Variants in RPE observed in about 807,000 individuals in gnomAD.
The protein encoded by RPE is ribulose-5-phosphate-3-epimerase.
A neutral mutation model predicts 24.6 loss-of-function variants in RPE; 16 were observed. That is an observed-to-expected ratio of 0.65 (90% CI 0.44 to 0.99). RPE has a LOEUF of 0.99. Ranked by LOEUF, RPE falls within the 50% of genes least tolerant of loss-of-function variation. RPE has a pLI of 0.00. For missense variants in RPE, 240 were observed against 294.5 expected (o/e 0.81, Z 1.35); for synonymous variants, 93 against 98.4 (o/e 0.94, Z 0.33).
At chr2:210,002,854 G>T in intron 1 of RPE, 71 bp downstream of exon 1, 1 of 1,612,222 alleles carries the variant, frequency 6.2e-7, no homozygotes. Flanking sequence ...TTGACTGCTT[G>T]TTGGATGTAC....
intron 5 of RPE, chr2:210,018,222 G>GTAC: frequency 6.5e-7 from 1 of 1,532,828 alleles, no homozygotes; most frequent in Non-Finnish European, 8.7e-7. Flanking sequence ...GAATTAAAAG[G>GTAC]TACTACCAAG....
chr2:210,002,915 G>T (rs995665453), intron 1 of RPE, 132 bp downstream of exon 1: 3 of 1,545,132 alleles, frequency 1.9e-6, no homozygotes, highest in South Asian at 1.1e-5. Flanking sequence ...GCTAGAAGGG[G>T]TGTGGGGTAG....
rs546382360 is a variant in RPE, at chr2:210,009,752, G to A, written c.202+16G>A. 4.3e-6 allele frequency: 7 copies of A among 1,614,006 alleles called. No homozygotes were observed. In the Admixed American group the frequency reaches 5.0e-5, roughly 12 times the overall value. ...CCTTTCTTTGGTAAGTGGGTGTTAC[G>A]CCATCTGAAGCTGGATGTGTTGCTC... On this transcript the variant is annotated intron_variant, in intron 2 of 5. Transcript: ENST00000359429.
intron 2 of RPE, 106 bp from the exon 3 acceptor site, chr2:210,015,867 G>A: frequency 1.8e-6 from 2 of 1,113,388 alleles, no homozygotes; most frequent in Non-Finnish European, 1.3e-6. Context: ...TTGTGTGATG[G>A]CCAAAGAGTT....
intron 1 of RPE, chr2:210,003,395 A>G: frequency 1.0e-5 from 12 of 1,202,506 alleles, no homozygotes; most frequent in Non-Finnish European, 1.3e-5. Context: ...TGTTAATTAC[A>G]TCATTATTAC....
intron 2 of RPE, among the ~76,000 whole-genome samples, chr2:210,014,381 G>C (rs890731315): frequency 4.6e-5 from 7 of 152,132 alleles, no homozygotes; most frequent in African/African-American, 1.7e-4. Context: ...GAGCCACCGC[G>C]CCCGGCCTGG....
intron 4 of RPE, among the ~76,000 whole-genome samples, chr2:210,017,028 A>G (rs1392448873): frequency 6.6e-6 from 1 of 152,142 alleles, no homozygotes; most frequent in Non-Finnish European, 1.5e-5. Context: ...ACATTTTAGT[A>G]GAGAGGAGGT....
chr2:210,016,024 T>C lies in RPE; in HGVS notation c.254T>C (p.Val85Ala). 1 of 1,614,202 alleles carries C rather than the reference T, an allele frequency of 6.2e-7. No homozygotes were observed. Among genetic ancestry groups the C allele is most frequent in the Non-Finnish European group, 8.5e-7 (1 of 1,180,040 alleles). Residue 85 changes from valine to alanine, a missense_variant, in exon 3 of 6, where the codon GTA becomes GCA. Physicochemically the swap from Val to Ala is moderately conservative, Grantham distance 64. Coordinates refer to ENST00000359429, the MANE Select transcript of RPE (RefSeq NM_199229.3). Reference sequence around the variant, plus strand: ...GAACAGTGGGTAAAGCCAATGGCTGTAGCAGGAGCCAATCAGTACACCTTT... The same window carrying C: ...GAACAGTGGGTAAAGCCAATGGCTGCAGCAGGAGCCAATCAGTACACCTTT... ...KPEQWVKPMA[V>A]AGANQYTFHL...
chr2:210,017,366 A>C (rs1186994875), intron 4 of RPE, 107 bp from the exon 5 acceptor site: 9 of 817,096 alleles, frequency 1.1e-5, no homozygotes, highest in East Asian at 2.5e-5. Context: ...TTGGAGTTTT[A>C]ATTGCTAATA....
At position 210,009,671 on chromosome 2, in the gene RPE, A is replaced by G. The variant is rs2093675624; in HGVS notation, c.137A>G (p.Asn46Ser). The change falls in exon 2 of 6, where the codon AAC becomes AGC. Residue 46 changes from asparagine (N) to serine (S), a missense_variant. Transcript: ENST00000359429. ...TTGTCTTGTAGGCATTTTGTTCCCA[A>G]CATCACCTTTGGTCACCCTGTGGTA... ...LDVMDGHFVP[N>S]ITFGHPVVES... The G allele has an allele frequency of 1.9e-6, 3 of 1,614,162 alleles. No homozygotes were observed. Among genetic ancestry groups the G allele is most frequent in the African/African-American group, 1.3e-5 (1 of 75,036 alleles).
At chr2:210,005,311 T>C (rs2093615651) in intron 1 of RPE, among the ~76,000 whole-genome samples, 1 of 152,182 alleles carries the variant, frequency 6.6e-6, no homozygotes, top group African/African-American at 2.4e-5. Context: ...TGCTTATTGT[T>C]TTCTAGTCTC....
chr2:210,008,003 G>C, intron 1 of RPE, among the ~76,000 whole-genome samples: 1 of 152,202 alleles, frequency 6.6e-6, no homozygotes, highest in Non-Finnish European at 1.5e-5. Context: ...TGCACTCACA[G>C]TCTGGTGGTG....
intron 2 of RPE, among the ~76,000 whole-genome samples, chr2:210,014,213 C>G (rs943798615): frequency 1.3e-5 from 2 of 151,976 alleles, no homozygotes; most frequent in African/African-American, 2.4e-5. Context: ...CTCAGCCTCT[C>G]GAGTAGCTGG....
intron 5 of RPE, chr2:210,018,650 T>C: frequency 1.0e-6 from 1 of 985,358 alleles, no homozygotes; most frequent in Non-Finnish European, 1.2e-6. Flanking sequence ...TTTTGATCGC[T>C]TGTGGAATTG....
At chr2:210,018,252 T>C (rs1393347281) in intron 5 of RPE, 1 of 1,513,876 alleles carries the variant, frequency 6.6e-7, no homozygotes, top group Non-Finnish European at 8.8e-7. Context: ...TAGATAAATC[T>C]AATTGACCTA....
At chr2:210,009,565 C>T in intron 1 of RPE, 92 bp from the exon 2 acceptor site, 1 of 1,496,738 alleles carries the variant, frequency 6.7e-7, no homozygotes. Flanking sequence ...ACATTGCAGA[C>T]AATCCCCTCA....
At chr2:210,011,975 C>T (rs922275970) in intron 2 of RPE, among the ~76,000 whole-genome samples, 2 of 151,958 alleles carry the variant, frequency 1.3e-5, no homozygotes, top group African/African-American at 4.8e-5. Flanking sequence ...AGTCACTGAG[C>T]CCGACTACCT....
intron 2 of RPE, among the ~76,000 whole-genome samples, chr2:210,015,428 C>T (rs556784493): frequency 6.6e-6 from 1 of 152,274 alleles, no homozygotes; most frequent in East Asian, 1.9e-4. Flanking sequence ...CCAGGCACAC[C>T]AGCCATATTA....
chr2:210,017,712 A>G (rs895890124), intron 5 of RPE, 153 bp downstream of exon 5: 1 of 684,134 alleles, frequency 1.5e-6, no homozygotes, highest in Non-Finnish European at 2.5e-6. Flanking sequence ...CTAGGAAAAT[A>G]AACAGCCATA....
Sources: allele counts gnomAD v4.1 joint callset (sites outside exome capture counted in the v4.1 genomes callset), GRCh38; gene constraint gnomAD v4.1.1; transcripts MANE v1.5; gene names NCBI Gene and HGNC (gene_info 2026-07-23, HGNC 2026-07-21).